SAAL1: variants seen among roughly 807,000 people sequenced by gnomAD.
SAAL1 encodes the protein protein SAAL1.
In SAAL1, 42 loss-of-function variants were observed where a neutral mutation model predicts 59.8. The ratio of observed to expected loss-of-function variants is 0.70; its 90% CI spans 0.55 to 0.91. The LOEUF is 0.91. Ranked by LOEUF, SAAL1 falls within the 40% of genes least tolerant of loss-of-function variation. The pLI is 0.00. For missense variants in SAAL1, 542 were observed against 561.1 expected (o/e 0.97, Z 0.34); for synonymous variants, 191 against 194.3 (o/e 0.98, Z 0.14).
At chr11:18,092,903 G>A (rs935122999) in intron 3 of SAAL1, among the ~76,000 whole-genome samples, 2 of 152,002 alleles carry the variant, frequency 1.3e-5, no homozygotes, top group African/African-American at 4.8e-5. Flanking sequence ...AATGCATAAT[G>A]TATTAGTGTA....
At chr11:18,082,790 C>T (rs1477253699) in intron 10 of SAAL1, among the ~76,000 whole-genome samples, 1 of 152,014 alleles carries the variant, frequency 6.6e-6, no homozygotes, top group Admixed American at 6.6e-5. Flanking sequence ...TGCCACCATG[C>T]CCAGCTAATT....
At chr11:18,094,544 G>A (rs1038008832) in intron 3 of SAAL1, among the ~76,000 whole-genome samples, 2 of 152,088 alleles carry the variant, frequency 1.3e-5, no homozygotes, top group Non-Finnish European at 2.9e-5. Context: ...GCTCCTACAG[G>A]CAGAGTTGCA....
intron 4 of SAAL1, among the ~76,000 whole-genome samples, chr11:18,091,883 T>C (rs1180890894): frequency 6.6e-6 from 1 of 152,178 alleles, no homozygotes; most frequent in Non-Finnish European, 1.5e-5. Context: ...ATTCAACAAA[T>C]CTAGTTTCTG....
At chr11:18,093,169 G>T (rs1848540015) in intron 3 of SAAL1, among the ~76,000 whole-genome samples, 1 of 152,098 alleles carries the variant, frequency 6.6e-6, no homozygotes, top group Admixed American at 6.6e-5. Flanking sequence ...ATCTCACAGG[G>T]CTTGTGTTCA....
chr11:18,101,077 A>G (rs1367235390), intron 2 of SAAL1, among the ~76,000 whole-genome samples: 1 of 152,244 alleles, frequency 6.6e-6, no homozygotes, highest in African/African-American at 2.4e-5. Flanking sequence ...CTATCATTAC[A>G]TACTTATTAG....
intron 9 of SAAL1, among the ~76,000 whole-genome samples, chr11:18,084,164 G>A (rs903368105): frequency 2.6e-5 from 4 of 152,160 alleles, no homozygotes; most frequent in Admixed American, 6.6e-5. Flanking sequence ...TGGTGAAACC[G>A]TGTCTTTACA....
At position 18,096,915 on chromosome 11, in the gene SAAL1, C is replaced by T. The variant is rs542750101; in HGVS notation, c.250-61G>A. 143 of 869,842 alleles carry T rather than the reference C, an allele frequency of 1.6e-4. No individual in the cohort carries two copies. The African/African-American group carries it at 2.3e-3, about 14-fold the overall frequency. 53.9% of individuals were successfully genotyped at this position (869,842 alleles called of 1,614,324 possible). Reference sequence around the variant, plus strand: ...ATATTCCTCCCTAAACCCTAAAGCTCAGGCAACCATAAAATTCTATATTAA... The same window carrying T: ...ATATTCCTCCCTAAACCCTAAAGCTTAGGCAACCATAAAATTCTATATTAA... On this transcript the variant is annotated intron_variant, in intron 2 of 11. Coordinates refer to ENST00000524803, the MANE Select transcript of SAAL1 (RefSeq NM_138421.3).
At chr11:18,093,296 C>T (rs1185065098) in intron 3 of SAAL1, among the ~76,000 whole-genome samples, 1 of 152,136 alleles carries the variant, frequency 6.6e-6, no homozygotes, top group Non-Finnish European at 1.5e-5. Flanking sequence ...GGTAAAAGTT[C>T]TTGACTTCAT....
intron 3 of SAAL1, among the ~76,000 whole-genome samples, chr11:18,092,856 C>T (rs1848535851): frequency 6.6e-6 from 1 of 152,122 alleles, no homozygotes; most frequent in African/African-American, 2.4e-5. Flanking sequence ...AGACAACATA[C>T]TGAAACAGTA....
At chr11:18,090,674 A>C in intron 4 of SAAL1, 181 bp from the exon 5 acceptor site, 1 of 608,782 alleles carries the variant, frequency 1.6e-6, no homozygotes, top group Non-Finnish European at 2.6e-6. Flanking sequence ...TCCAAGAAAC[A>C]GAACAGAGCT....
At chr11:18,087,333 G>C in intron 7 of SAAL1, 108 bp from the exon 8 acceptor site, 2 of 691,396 alleles carry the variant, frequency 2.9e-6, no homozygotes, top group Non-Finnish European at 4.9e-6. Context: ...ACTGTTCAAG[G>C]TGCTGAGGAT....
intron 3 of SAAL1, among the ~76,000 whole-genome samples, chr11:18,092,538 G>C (rs1848532981): frequency 6.6e-6 from 1 of 152,140 alleles, no homozygotes; most frequent in Non-Finnish European, 1.5e-5. Flanking sequence ...AAGGGCAAAG[G>C]CAGGAGCTAT....
In SAAL1 at chr11:18,103,284, A is replaced by T; in HGVS notation, c.198T>A (p.Asp66Glu). 1 of 1,614,012 alleles carries T rather than the reference A, an allele frequency of 6.2e-7. No homozygotes were observed. Among genetic ancestry groups the T allele is most frequent in the South Asian group, 1.1e-5 (1 of 91,086 alleles). Reference protein sequence around the residue: ...SDDEEQLTELDEEMENEICRV... With the variant: ...SDDEEQLTELEEEMENEICRV... ...TGCAAATTTCATTCTCCATTTCTTC[A>T]TCAAGCTCCGTCAGCTGCTCCTCAT... Residue 66 changes from aspartate (D) to glutamate (E), a missense_variant, in exon 2 of 12, where the codon GAT (aspartate) becomes GAA (glutamate). Asp to Glu is a conservative substitution (Grantham distance 45). Coordinates refer to ENST00000524803, the MANE Select transcript of SAAL1 (RefSeq NM_138421.3).
chr11:18,097,912 G>A (rs574792691), intron 2 of SAAL1, among the ~76,000 whole-genome samples: 2 of 151,858 alleles, frequency 1.3e-5, no homozygotes, highest in South Asian at 4.2e-4. Flanking sequence ...TGGGAGGCCA[G>A]GACAGGCGGA....
At chr11:18,080,980 C>T (rs147136625) in intron 11 of SAAL1, among the ~76,000 whole-genome samples, 29 of 152,230 alleles carry the variant, frequency 1.9e-4, no homozygotes, top group African/African-American at 6.5e-4. Context: ...CAGTAGTCAT[C>T]TTTTTTTCCC....
At position 18,086,803 on chromosome 11, in the gene SAAL1, A is replaced by AT. The variant is rs1472246341; in HGVS notation, c.1042+62dup. On this transcript the variant is annotated intron_variant, in intron 9 of 11. Coordinates refer to ENST00000524803, the MANE Select transcript of SAAL1 (RefSeq NM_138421.3). ...TTTTTATAATTAGGGAAATGAAAGCATTTTTTAAAAGGGAGAAATAAATGA... is the reference window on the plus strand; with the variant it reads ...TTTTTATAATTAGGGAAATGAAAGCATTTTTTTAAAAGGGAGAAATAAATGA... The AT allele has an allele frequency of 5.2e-5, 60 of 1,163,870 alleles. No individual in the cohort carries two copies. In the East Asian group the frequency reaches 1.7e-3, roughly 32 times the overall value. The allele number at this position is 1,163,870 out of a possible 1,614,324, so 72.1% of individuals were successfully genotyped here. A position where few individuals can be genotyped will look rare whatever the true frequency, so the allele number is the denominator to read the frequency against.
At chr11:18,103,642 T>C (rs1441638987) in intron 1 of SAAL1, among the ~76,000 whole-genome samples, 1 of 152,208 alleles carries the variant, frequency 6.6e-6, no homozygotes, top group Admixed American at 6.5e-5. Context: ...TGTGATGGGA[T>C]GGCATCCTGT....
In SAAL1 at chr11:18,092,944, A is replaced by G. The variant is rs182003555; in HGVS notation, c.334-620T>C. Among the ~76,000 whole-genome samples the G allele has an allele frequency of 6.6e-5, 10 of 152,234 alleles. No individual in the cohort carries two copies. The East Asian group carries it at 1.9e-3, about 29-fold the overall frequency. On this transcript the variant is annotated intron_variant, in intron 3 of 11. Transcript: ENST00000524803. ...TCTTTATCCATGGTTTCAGTTACCC[A>G]TGGTCAACCTTGGTATAAAAGTACT... is the stretch of plus-strand genomic sequence containing the variant.
intron 9 of SAAL1, 63 bp from the exon 10 acceptor site, chr11:18,083,794 A>T: frequency 5.7e-6 from 6 of 1,047,344 alleles, no homozygotes; most frequent in Non-Finnish European, 8.4e-6. Context: ...ATTCATATGT[A>T]TTGAATTAGT....
Sources: gnomAD v4.1 joint callset for allele counts (sites outside exome capture counted in the v4.1 genomes callset) on GRCh38, gnomAD v4.1.1 for gene constraint, MANE v1.5 for transcripts, NCBI Gene and HGNC (gene_info 2026-07-23, HGNC 2026-07-21) for gene names.